Variants in TEX36 observed in about 807,000 individuals in gnomAD.
TEX36 encodes the protein testis expressed 36.
A neutral mutation model predicts 13.6 loss-of-function variants in TEX36; 12 were observed. The ratio of observed to expected loss-of-function variants is 0.88; its 90% CI spans 0.56 to 1.43. The LOEUF (loss-of-function observed/expected upper bound fraction) is 1.43, where lower values mean the gene tolerates loss of function less well. Ranked by LOEUF, TEX36 falls within the 40% of genes most tolerant of loss-of-function variation. The probability of loss-of-function intolerance (pLI) is 0.00; values close to 1 mark genes in which losing one functional copy is unlikely to be tolerated. For synonymous variants in TEX36, 93 were observed against 83.0 expected, an observed-to-expected ratio of 1.12 and a Z score of -0.65; for missense variants, 224 against 228.3, an observed-to-expected ratio of 0.98 and a Z score of 0.12.
rs528106592 is a variant in TEX36, at chr10:125,655,955, T to C, written c.506A>G (p.Lys169Arg). ...ERSYTEVLKK[K>R]PKVRFTVDKK... ...GTCAACAGTGAACCTTACTTTGGGC[T>C]TCTTTTTCAAAACCTCTGTATAGCT... The change falls in exon 4 of 4, where the codon AAG becomes AGG. Residue 169 changes from lysine (K) to arginine (R), a missense_variant. By Grantham distance (26) the Lys-to-Arg change is conservative. Transcript: ENST00000368821. The C allele has an allele frequency of 2.2e-4, 338 of 1,548,866 alleles. 4 individuals carry two copies. In the South Asian group the frequency reaches 3.5e-3, roughly 16 times the overall value.
At chr10:125,628,809 C>G (rs1308250829) in intron 3 of TEX36, among the ~76,000 whole-genome samples, 1 of 152,172 alleles carries the variant, frequency 6.6e-6, no homozygotes, top group African/African-American at 2.4e-5. Context: ...CAGACATTGT[C>G]ACAGACATCC....
intron 3 of TEX36, among the ~76,000 whole-genome samples, chr10:125,592,304 C>G (rs1420408931): frequency 6.6e-6 from 1 of 152,088 alleles, no homozygotes. Flanking sequence ...GTTAGGCCAC[C>G]AGGGCCACCA....
At chr10:125,662,981 G>T (rs1019291402) in intron 1 of TEX36, among the ~76,000 whole-genome samples, 1 of 152,178 alleles carries the variant, frequency 6.6e-6, no homozygotes, top group Non-Finnish European at 1.5e-5. Flanking sequence ...AGGAGGAAAT[G>T]AATGGAAATT....
At chr10:125,607,721 G>C (rs1846232649) in intron 3 of TEX36, among the ~76,000 whole-genome samples, 1 of 151,864 alleles carries the variant, frequency 6.6e-6, no homozygotes, top group Non-Finnish European at 1.5e-5. Flanking sequence ...GTCCACCTTT[G>C]CATCCCTAGC....
intron 3 of TEX36, among the ~76,000 whole-genome samples, chr10:125,636,072 G>A (rs866679667): frequency 1.3e-5 from 2 of 151,646 alleles, no homozygotes; most frequent in Non-Finnish European, 2.9e-5. Flanking sequence ...ATGAGATCTC[G>A]CCATGTTGCC....
At chr10:125,579,309 A>G (rs1263369287) in intron 3 of TEX36, among the ~76,000 whole-genome samples, 1 of 152,180 alleles carries the variant, frequency 6.6e-6, no homozygotes, top group Non-Finnish European at 1.5e-5. Flanking sequence ...CCTTCTTCAC[A>G]AGGCAGCAGG....
At chr10:125,661,417 G>A (rs1847039961) in intron 2 of TEX36, among the ~76,000 whole-genome samples, 1 of 152,204 alleles carries the variant, frequency 6.6e-6, no homozygotes, top group Non-Finnish European at 1.5e-5. Context: ...GGACTTTTGA[G>A]GCCGTGTAGA....
intron 3 of TEX36, among the ~76,000 whole-genome samples, chr10:125,584,882 C>A (rs1845925058): frequency 6.6e-6 from 1 of 152,238 alleles, no homozygotes; most frequent in South Asian, 2.1e-4. Flanking sequence ...AGGACTACTA[C>A]ACATATTAAC....
intron 3 of TEX36, among the ~76,000 whole-genome samples, chr10:125,625,295 A>G (rs541428343): frequency 5.9e-4 from 90 of 152,360 alleles, no homozygotes; most frequent in African/African-American, 2.1e-3. Flanking sequence ...AACTTTGGTG[A>G]CAGGAACTGA....
chr10:125,586,633 T>TA (rs780334699), intron 3 of TEX36, among the ~76,000 whole-genome samples: 41,805 of 77,062 alleles, frequency 0.54, 9,769 homozygotes, highest in South Asian at 0.66. Flanking sequence ...CTACTAAAAA[T>TA]CCAAAAAAAA....
At chr10:125,608,604 T>C (rs1846246508) in intron 3 of TEX36, among the ~76,000 whole-genome samples, 2 of 151,954 alleles carry the variant, frequency 1.3e-5, no homozygotes, top group South Asian at 4.1e-4. Flanking sequence ...TACGGGCTGG[T>C]GTGACTGGAA....
At chr10:125,663,931 C>T (rs1847085783) in intron 1 of TEX36, among the ~76,000 whole-genome samples, 1 of 152,118 alleles carries the variant, frequency 6.6e-6, no homozygotes, top group Admixed American at 6.6e-5. Flanking sequence ...GTCATGCTAT[C>T]AACTACTAGA....
At chr10:125,586,962 G>A (rs1845961226) in intron 3 of TEX36, among the ~76,000 whole-genome samples, 1 of 152,092 alleles carries the variant, frequency 6.6e-6, no homozygotes, top group Non-Finnish European at 1.5e-5. Flanking sequence ...GCTGTTTTGT[G>A]ATAGAGTCCT....
intron 3 of TEX36, among the ~76,000 whole-genome samples, chr10:125,594,595 G>C (rs992840621): frequency 4.6e-5 from 7 of 152,144 alleles, no homozygotes; most frequent in African/African-American, 1.7e-4. Flanking sequence ...TACATTTTTA[G>C]AAATGTAAAC....
intron 3 of TEX36, among the ~76,000 whole-genome samples, chr10:125,596,589 ATGTGT>A (rs1846084014): frequency 6.6e-6 from 1 of 152,130 alleles, no homozygotes. Flanking sequence ...GATAATAAAT[ATGTGT>A]TGTTTATTAC....
intron 3 of TEX36, among the ~76,000 whole-genome samples, chr10:125,629,161 A>C (rs1214916608): frequency 6.6e-6 from 1 of 152,244 alleles, no homozygotes; most frequent in Non-Finnish European, 1.5e-5. Flanking sequence ...TCATAACTGC[A>C]ATTAAGCTGG....
intron 1 of TEX36, among the ~76,000 whole-genome samples, chr10:125,673,867 T>G (rs1847270871): frequency 6.6e-6 from 1 of 152,124 alleles, no homozygotes; most frequent in Non-Finnish European, 1.5e-5. Context: ...TTTCCTTCAT[T>G]TCCACGTTGG....
chr10:125,626,379 G>A (rs540829881), intron 3 of TEX36, among the ~76,000 whole-genome samples: 7 of 152,304 alleles, frequency 4.6e-5, no homozygotes, highest in Non-Finnish European at 8.8e-5. Context: ...GGCCAATGTT[G>A]ACAGAATAGT....
intron 3 of TEX36, among the ~76,000 whole-genome samples, chr10:125,636,499 C>T (rs762612360): frequency 2.3e-4 from 35 of 152,124 alleles, no homozygotes; most frequent in Non-Finnish European, 4.7e-4. Context: ...CGGGCGTGAG[C>T]CACCACGCCC....
Sources: allele counts gnomAD v4.1 joint callset (sites outside exome capture counted in the v4.1 genomes callset), GRCh38; gene constraint gnomAD v4.1.1; transcripts MANE v1.5; gene names NCBI Gene and HGNC (gene_info 2026-07-23, HGNC 2026-07-21).